Variants in BCKDHB observed in about 807,000 individuals in gnomAD.
BCKDHB encodes the protein branched chain keto acid dehydrogenase E1 subunit beta.
BCKDHB carries 41 observed loss-of-function variants against 48.5 expected under a neutral mutation model. The ratio of observed to expected loss-of-function variants is 0.85; its 90% CI spans 0.66 to 1.10. The LOEUF (loss-of-function observed/expected upper bound fraction) is 1.10, where lower values mean the gene tolerates loss of function less well. Ranked by LOEUF, BCKDHB falls within the 50% of genes least tolerant of loss-of-function variation. The pLI is 0.00. For missense variants in BCKDHB, 496 were observed against 494.2 expected, an observed-to-expected ratio of 1.00 and a Z score of -0.03; for synonymous variants, 201 against 174.8, an observed-to-expected ratio of 1.15 and a Z score of -1.18.
At chr6:80,194,106 A>C (rs1248867697) in intron 6 of BCKDHB, among the ~76,000 whole-genome samples, 5 of 152,154 alleles carry the variant, frequency 3.3e-5, no homozygotes, top group African/African-American at 1.2e-4. Flanking sequence ...CCAGTTTCTC[A>C]TAGTCGGTTT....
At chr6:80,187,497 G>T (rs1261796003) in intron 6 of BCKDHB, among the ~76,000 whole-genome samples, 2 of 152,062 alleles carry the variant, frequency 1.3e-5, no homozygotes, top group African/African-American at 4.8e-5. Flanking sequence ...CTGATATTTA[G>T]CCAGTTTCAG....
intron 8 of BCKDHB, among the ~76,000 whole-genome samples, chr6:80,270,652 G>GAACTTGA (rs1463307655): frequency 6.6e-6 from 1 of 152,128 alleles, no homozygotes; most frequent in Non-Finnish European, 1.5e-5. Context: ...AGGTGTTGAA[G>GAACTTGA]AACTTGAACT....
the BCKDHB span, among the ~76,000 whole-genome samples, chr6:80,359,415 G>A: frequency 2.6e-5 from 4 of 152,090 alleles, no homozygotes; most frequent in Admixed American, 6.5e-5. Context: ...TGGTGAACTG[G>A]GACTTTCTTC....
chr6:80,392,245 C>T, the BCKDHB span, among the ~76,000 whole-genome samples: 122 of 152,248 alleles, frequency 8.0e-4, 4 homozygotes, highest in East Asian at 0.017. Context: ...CCACCCACCT[C>T]GGCCTCCCAA....
At chr6:80,322,017 C>G (rs965208583) in intron 9 of BCKDHB, among the ~76,000 whole-genome samples, 1 of 152,164 alleles carries the variant, frequency 6.6e-6, no homozygotes, top group Admixed American at 6.5e-5. Context: ...GTGGTACTTG[C>G]TCCAAGGAGC....
intron 3 of BCKDHB, among the ~76,000 whole-genome samples, chr6:80,144,937 C>T (rs1216239561): frequency 1.3e-5 from 2 of 152,086 alleles, no homozygotes; most frequent in African/African-American, 4.8e-5. Flanking sequence ...TTCCATCCCA[C>T]GTTTCATTTT....
chr6:80,309,220 C>A (rs1258572490), intron 9 of BCKDHB, among the ~76,000 whole-genome samples: 2 of 151,888 alleles, frequency 1.3e-5, no homozygotes, highest in Non-Finnish European at 2.9e-5. Context: ...CTTGCCACCA[C>A]ACCTGGCTAA....
At chr6:80,146,167 T>A (rs1432567191) in intron 3 of BCKDHB, among the ~76,000 whole-genome samples, 3 of 152,040 alleles carry the variant, frequency 2.0e-5, no homozygotes, top group Non-Finnish European at 4.4e-5. Context: ...CCCCAAGTGA[T>A]TCAAATGTGC....
At chr6:80,217,177 G>T (rs1306732848) in intron 8 of BCKDHB, among the ~76,000 whole-genome samples, 3 of 152,052 alleles carry the variant, frequency 2.0e-5, no homozygotes, top group Admixed American at 1.3e-4. Flanking sequence ...GGAGGCAGAG[G>T]TTGCAGTGAG....
intron 4 of BCKDHB, 46 bp downstream of exon 4, chr6:80,167,857 C>G (rs1382276209): frequency 6.3e-7 from 1 of 1,586,156 alleles, no homozygotes; most frequent in Non-Finnish European, 8.6e-7. Flanking sequence ...TTGAAATATT[C>G]AAGTATTGCC....
chr6:80,130,908 T>TGCCTGAC (rs1315512077), intron 3 of BCKDHB, among the ~76,000 whole-genome samples: 1 of 152,200 alleles, frequency 6.6e-6, no homozygotes, highest in Non-Finnish European at 1.5e-5. Flanking sequence ...GACCTCACAA[T>TGCCTGAC]TCCATCTTGC....
At chr6:80,155,928 C>T (rs529368571) in intron 3 of BCKDHB, among the ~76,000 whole-genome samples, 1 of 140,590 alleles carries the variant, frequency 7.1e-6, no homozygotes, top group Non-Finnish European at 1.5e-5. Flanking sequence ...TGAGAGATTT[C>T]TAAAATAGTG....
At chr6:80,283,994 A>C (rs1766503919) in intron 9 of BCKDHB, among the ~76,000 whole-genome samples, 1 of 152,028 alleles carries the variant, frequency 6.6e-6, no homozygotes, top group Admixed American at 6.6e-5. Flanking sequence ...TTGTATTCAC[A>C]ATCAGTAACA....
At chr6:80,292,029 T>C (rs1766947143) in intron 9 of BCKDHB, among the ~76,000 whole-genome samples, 2 of 152,150 alleles carry the variant, frequency 1.3e-5, no homozygotes, top group Non-Finnish European at 2.9e-5. Flanking sequence ...ACCTAGGAGT[T>C]GGGTAAATTC....
At chr6:80,124,998 G>A (rs1582186453) in intron 1 of BCKDHB, among the ~76,000 whole-genome samples, 2 of 152,154 alleles carry the variant, frequency 1.3e-5, no homozygotes, top group Non-Finnish European at 2.9e-5. Context: ...TTTGAAGCCA[G>A]GCATTGACTT....
chr6:80,301,513 G>T (rs1767578428), intron 9 of BCKDHB, among the ~76,000 whole-genome samples: 1 of 152,036 alleles, frequency 6.6e-6, no homozygotes, highest in Non-Finnish European at 1.5e-5. Context: ...CCAATAACAA[G>T]TTAGGAAATT....
chr6:80,417,049 A>G, the BCKDHB span, among the ~76,000 whole-genome samples: 2 of 152,170 alleles, frequency 1.3e-5, no homozygotes, highest in Non-Finnish European at 2.9e-5. Context: ...TGTTGGGTGC[A>G]TATATATTTA....
At chr6:80,170,390 T>C (rs920009192) in intron 5 of BCKDHB, among the ~76,000 whole-genome samples, 1 of 152,198 alleles carries the variant, frequency 6.6e-6, no homozygotes. Context: ...TAAACAATTA[T>C]AATCATTTAA....
chr6:80,188,025 C>T (rs1773725692), intron 6 of BCKDHB, among the ~76,000 whole-genome samples: 2 of 152,212 alleles, frequency 1.3e-5, no homozygotes, highest in South Asian at 4.1e-4. Context: ...GACACATGCA[C>T]GTTTATGTTC....
Sources: allele counts gnomAD v4.1 joint callset (sites outside exome capture counted in the v4.1 genomes callset), GRCh38; gene constraint gnomAD v4.1.1; transcripts MANE v1.5; gene names NCBI Gene and HGNC (gene_info 2026-07-23, HGNC 2026-07-21).